Variants in RASGRP3 observed in about 807,000 individuals in gnomAD.
RASGRP3 encodes ras guanyl-releasing protein 3.
A neutral mutation model predicts 82.7 loss-of-function variants in RASGRP3; 54 were observed. That is an observed-to-expected ratio of 0.65 (90% CI 0.52 to 0.82). The LOEUF (loss-of-function observed/expected upper bound fraction) is 0.82, where lower values mean the gene tolerates loss of function less well. RASGRP3 is among the 40% of genes least tolerant of loss of function. The pLI, the probability that RASGRP3 is intolerant of heterozygous loss-of-function variation, is 0.00. For missense variants in RASGRP3, 861 were observed against 828.9 expected, an observed-to-expected ratio of 1.04 and a Z score of -0.48; for synonymous variants, 309 against 300.5, an observed-to-expected ratio of 1.03 and a Z score of -0.29.
intron 2 of RASGRP3, among the ~76,000 whole-genome samples, chr2:33,513,329 T>C (rs1035791779): frequency 1.3e-5 from 2 of 152,252 alleles, no homozygotes; most frequent in Non-Finnish European, 2.9e-5. Context: ...GTGGTCTCAC[T>C]GAACTAATAC....
At chr2:33,459,356 G>A (rs1666224820) in intron 2 of RASGRP3, among the ~76,000 whole-genome samples, 1 of 152,028 alleles carries the variant, frequency 6.6e-6, no homozygotes, top group African/African-American at 2.4e-5. Flanking sequence ...GGATGGTCTC[G>A]ATCTCCTGAC....
chr2:33,465,293 C>G (rs993629948), intron 2 of RASGRP3, among the ~76,000 whole-genome samples: 3 of 152,202 alleles, frequency 2.0e-5, no homozygotes, highest in Non-Finnish European at 4.4e-5. Flanking sequence ...AGTCCTAATT[C>G]TCTTCAATTC....
At chr2:33,543,662 A>C in intron 13 of RASGRP3, 35 bp downstream of exon 13, 1 of 1,376,224 alleles carries the variant, frequency 7.3e-7, no homozygotes, top group Non-Finnish European at 1.0e-6. Context: ...TAATGCAACT[A>C]TCCTAAAGCA....
intron 1 of RASGRP3, among the ~76,000 whole-genome samples, chr2:33,442,507 T>C (rs1665280079): frequency 6.6e-6 from 1 of 152,232 alleles, no homozygotes; most frequent in Non-Finnish European, 1.5e-5. Flanking sequence ...TCTGTTCTGA[T>C]TTCTTGCTGT....
At chr2:33,454,561 C>T (rs571552029) in intron 2 of RASGRP3, among the ~76,000 whole-genome samples, 1 of 152,214 alleles carries the variant, frequency 6.6e-6, no homozygotes, top group Non-Finnish European at 1.5e-5. Flanking sequence ...TTAACACACA[C>T]ATTATCTACC....
intron 1 of RASGRP3, among the ~76,000 whole-genome samples, chr2:33,479,793 C>T (rs965045257): frequency 6.6e-6 from 1 of 152,104 alleles, no homozygotes. Context: ...CTCCTGAATC[C>T]TTTTAAAAAT....
chr2:33,487,068 C>G (rs573127053), intron 1 of RASGRP3, among the ~76,000 whole-genome samples: 1 of 152,058 alleles, frequency 6.6e-6, no homozygotes, highest in Non-Finnish European at 1.5e-5. Flanking sequence ...ATATCCCTAC[C>G]GATGTTCTCC....
At chr2:33,508,080 C>A (rs1477101272) in intron 1 of RASGRP3, among the ~76,000 whole-genome samples, 1 of 152,112 alleles carries the variant, frequency 6.6e-6, no homozygotes, top group Non-Finnish European at 1.5e-5. Flanking sequence ...AAGGATAATT[C>A]CCAGATTTCT....
At chr2:33,498,660 T>C (rs1173326679) in intron 1 of RASGRP3, among the ~76,000 whole-genome samples, 1 of 152,214 alleles carries the variant, frequency 6.6e-6, no homozygotes, top group African/African-American at 2.4e-5. Flanking sequence ...CCCTGCCTTC[T>C]TCAGTGCCAT....
intron 9 of RASGRP3, among the ~76,000 whole-genome samples, chr2:33,526,783 C>A (rs534056413): frequency 6.6e-6 from 1 of 152,284 alleles, no homozygotes; most frequent in African/African-American, 2.4e-5. Flanking sequence ...TTTCTTGGAA[C>A]AAATAACAAT....
chr2:33,512,840 C>A (rs1481319536), intron 2 of RASGRP3, among the ~76,000 whole-genome samples: 2 of 152,074 alleles, frequency 1.3e-5, no homozygotes, highest in Admixed American at 6.5e-5. Context: ...AGAACAAACA[C>A]AAAAATCCCT....
At chr2:33,475,749 T>C (rs1043556840), upstream of RASGRP3, among the ~76,000 whole-genome samples, 1 of 152,142 alleles carries the variant, frequency 6.6e-6, no homozygotes, top group Admixed American at 6.5e-5. Context: ...GTGAGACATA[T>C]GAATTCAACA....
chr2:33,534,293 A>G (rs1558497426), intron 10 of RASGRP3, 30 bp from the exon 11 acceptor site: 2 of 1,437,562 alleles, frequency 1.4e-6, no homozygotes, highest in Non-Finnish European at 9.7e-7. Flanking sequence ...ATGTAATCCG[A>G]CATTTTTATC....
At chr2:33,445,456 TGATTTACAAA>T (rs1357738977) in intron 1 of RASGRP3, among the ~76,000 whole-genome samples, 1 of 152,228 alleles carries the variant, frequency 6.6e-6, no homozygotes, top group Non-Finnish European at 1.5e-5. Context: ...ATTCATTGCA[TGATTTACAAA>T]TTGGTAATGG....
intron 14 of RASGRP3, among the ~76,000 whole-genome samples, chr2:33,550,925 C>A (rs1273064427): frequency 2.0e-5 from 3 of 152,142 alleles, no homozygotes; most frequent in Non-Finnish European, 4.4e-5. Flanking sequence ...CAGGGGAAAG[C>A]CAGTCTAACT....
At chr2:33,508,344 T>C (rs542387465) in intron 1 of RASGRP3, among the ~76,000 whole-genome samples, 1 of 152,132 alleles carries the variant, frequency 6.6e-6, no homozygotes, top group Non-Finnish European at 1.5e-5. Flanking sequence ...CTTTAAGTGC[T>C]AAGAATTAGC....
intron 11 of RASGRP3, 48 bp from the exon 12 acceptor site, chr2:33,539,040 AAATAAT>A: frequency 1.3e-5 from 17 of 1,276,166 alleles, no homozygotes; most frequent in Admixed American, 2.3e-5. Flanking sequence ...CCCTGTCTCA[AAATAAT>A]AATAATAATA....
At chr2:33,452,081 T>C (rs1297258007) in intron 2 of RASGRP3, among the ~76,000 whole-genome samples, 2 of 152,208 alleles carry the variant, frequency 1.3e-5, no homozygotes, top group African/African-American at 4.8e-5. Flanking sequence ...TGTTCTTTTT[T>C]ATGGTTTCTA....
intron 1 of RASGRP3, among the ~76,000 whole-genome samples, chr2:33,480,020 C>G (rs953702663): frequency 1.3e-5 from 2 of 150,478 alleles, no homozygotes; most frequent in African/African-American, 4.9e-5. Context: ...GAAGATCAAG[C>G]TATTTATAGC....
Sources: gnomAD v4.1 joint callset for allele counts (sites outside exome capture counted in the v4.1 genomes callset) on GRCh38, gnomAD v4.1.1 for gene constraint, MANE v1.5 for transcripts, NCBI Gene and HGNC (gene_info 2026-07-23, HGNC 2026-07-21) for gene names.